AKAP19: variants seen among roughly 807,000 people sequenced by gnomAD.
The protein encoded by AKAP19 is A-kinase anchoring protein 19.
the AKAP19 span, among the ~76,000 whole-genome samples, chr2:190,155,555 C>T: frequency 6.6e-6 from 1 of 152,076 alleles, no homozygotes; most frequent in Non-Finnish European, 1.5e-5. Context: ...ATCAATGCAG[C>T]CTGGACTTGA....
At chr2:189,940,587 CA>C in the AKAP19 span, among the ~76,000 whole-genome samples, 36,287 of 150,190 alleles carry the variant, frequency 0.24, 5,175 homozygotes, top group African/African-American at 0.41. Context: ...AGAAAGCTTT[CA>C]AAAAAAAACA....
the AKAP19 span, among the ~76,000 whole-genome samples, chr2:190,064,886 A>T: frequency 1.3e-5 from 2 of 152,176 alleles, no homozygotes; most frequent in South Asian, 4.1e-4. Flanking sequence ...CCGCTAACAG[A>T]CAATTCTTAT....
the AKAP19 span, among the ~76,000 whole-genome samples, chr2:190,066,559 C>A: frequency 6.6e-5 from 10 of 152,068 alleles, no homozygotes; most frequent in East Asian, 1.9e-3. Flanking sequence ...ATTCTTAGAG[C>A]CAGAAAAAAT....
At chr2:190,045,032 C>T in the AKAP19 span, among the ~76,000 whole-genome samples, 5 of 152,198 alleles carry the variant, frequency 3.3e-5, no homozygotes, top group East Asian at 3.9e-4. Context: ...TCAGGCACTC[C>T]GAAGCCTGAA....
chr2:189,930,612 G>T, the AKAP19 span: 6 of 293,564 alleles, frequency 2.0e-5, no homozygotes, highest in Admixed American at 4.8e-5. Context: ...GGAGGCAGAG[G>T]TTGCAGTCAG....
At chr2:190,023,291 T>C in the AKAP19 span, among the ~76,000 whole-genome samples, 1 of 152,140 alleles carries the variant, frequency 6.6e-6, no homozygotes, top group Non-Finnish European at 1.5e-5. Context: ...TTATCTCAAG[T>C]TGAAGAACAT....
At chr2:190,097,065 T>A in the AKAP19 span, among the ~76,000 whole-genome samples, 1 of 151,926 alleles carries the variant, frequency 6.6e-6, no homozygotes, top group Non-Finnish European at 1.5e-5. Flanking sequence ...AGTCTCAAAA[T>A]TTTTTTTTCA....
At chr2:189,901,904 C>T in the AKAP19 span, among the ~76,000 whole-genome samples, 4 of 151,986 alleles carry the variant, frequency 2.6e-5, no homozygotes, top group Non-Finnish European at 5.9e-5. Context: ...ATAATAAACT[C>T]ATAATTTATT....
At chr2:190,181,000 C>T in the AKAP19 span, 3 of 985,600 alleles carry the variant, frequency 3.0e-6, no homozygotes, top group South Asian at 1.4e-4. This position sits in a 1 kb window ranked among gnomAD's most constrained non-coding sequence, Gnocchi z 6.8. Flanking sequence ...CACGACAGGG[C>T]TGCTCCGGGA....
the AKAP19 span, among the ~76,000 whole-genome samples, chr2:190,024,103 A>C: frequency 6.6e-6 from 1 of 151,866 alleles, no homozygotes; most frequent in Non-Finnish European, 1.5e-5. Context: ...TGCAAATGAC[A>C]TGTGGAGAAG....
chr2:190,181,572 C>T, the AKAP19 span, among the ~76,000 whole-genome samples: 1 of 152,174 alleles, frequency 6.6e-6, no homozygotes, highest in Non-Finnish European at 1.5e-5. Flanking sequence ...GAGGAGTAGA[C>T]GGGTAAGATC....
At chr2:190,009,669 G>T in the AKAP19 span, among the ~76,000 whole-genome samples, 1 of 152,166 alleles carries the variant, frequency 6.6e-6, no homozygotes, top group Admixed American at 6.5e-5. Context: ...CTGGGGTTTA[G>T]GAGAAATGTA....
the AKAP19 span, among the ~76,000 whole-genome samples, chr2:189,967,461 A>G: frequency 1.3e-5 from 2 of 152,226 alleles, no homozygotes; most frequent in African/African-American, 4.8e-5. Flanking sequence ...TTGGAATGAT[A>G]TTTTTAATGA....
the AKAP19 span, among the ~76,000 whole-genome samples, chr2:190,116,392 T>C: frequency 6.6e-6 from 1 of 152,136 alleles, no homozygotes; most frequent in East Asian, 1.9e-4. Flanking sequence ...TCAATCTCTT[T>C]TATAGTCATC....
the AKAP19 span, among the ~76,000 whole-genome samples, chr2:190,053,110 G>A: frequency 2.0e-5 from 3 of 152,108 alleles, no homozygotes; most frequent in Admixed American, 6.6e-5. Context: ...AAAACAAAGC[G>A]TGTGTGTCTT....
the AKAP19 span, among the ~76,000 whole-genome samples, chr2:190,014,600 A>C: frequency 8.3e-4 from 126 of 151,718 alleles, no homozygotes; most frequent in Non-Finnish European, 1.5e-3. Context: ...ACTTCTTCAC[A>C]TTTCAAAACA....
chr2:189,909,665 T>A, the AKAP19 span, among the ~76,000 whole-genome samples: 1 of 152,126 alleles, frequency 6.6e-6, no homozygotes, highest in Non-Finnish European at 1.5e-5. Flanking sequence ...GTTTTTGATG[T>A]CATAGTTTAC....
the AKAP19 span, among the ~76,000 whole-genome samples, chr2:190,120,797 G>C: frequency 1.3e-5 from 2 of 152,146 alleles, no homozygotes; most frequent in African/African-American, 4.8e-5. Context: ...CACAGTTTCA[G>C]GTAGCACAGT....
chr2:190,188,264 G>C, the AKAP19 span, among the ~76,000 whole-genome samples: 1 of 152,140 alleles, frequency 6.6e-6, no homozygotes, highest in African/African-American at 2.4e-5. Context: ...GATGGTTAAG[G>C]GATGCTCTGA....
Sources: allele counts gnomAD v4.1 joint callset (sites outside exome capture counted in the v4.1 genomes callset), GRCh38; gene constraint gnomAD v4.1.1; non-coding constraint Gnocchi (gnomAD v3.1); transcripts MANE v1.5; gene names NCBI Gene and HGNC (gene_info 2026-07-23, HGNC 2026-07-21).